The following RB1 variants were observed in gnomAD, a reference collection of about 807,000 sequenced individuals.
RB1 encodes RB transcriptional corepressor 1.
RB1 carries 18 observed loss-of-function variants against 135.4 expected under a neutral mutation model. The observed-to-expected ratio is 0.13, with a 90% CI of 0.09 to 0.20. RB1 has a LOEUF of 0.20. RB1 is among the 10% of genes least tolerant of loss of function. The probability of loss-of-function intolerance (pLI) is 1.00; values close to 1 mark genes in which losing one functional copy is unlikely to be tolerated. For synonymous variants in RB1, 365 were observed against 373.2 expected (o/e 0.98, Z 0.25); for missense variants, 868 against 1,110.0 (o/e 0.78, Z 3.10).
intron 2 of RB1, among the ~76,000 whole-genome samples, chr13:48,309,988 AATT>A (rs1187636227): frequency 6.6e-6 from 1 of 152,062 alleles, no homozygotes; most frequent in Non-Finnish European, 1.5e-5. Flanking sequence ...GGATGTGTGA[AATT>A]ATTTATGGCT....
chr13:48,465,554 C>T (rs528412825), intron 23 of RB1, among the ~76,000 whole-genome samples, 186 bp downstream of exon 23: 1 of 152,118 alleles, frequency 6.6e-6, no homozygotes, highest in East Asian at 1.9e-4. Flanking sequence ...ACTTAAGCAA[C>T]GCAAGATGGC....
At chr13:48,317,497 A>C (rs542458449) in intron 2 of RB1, 39 of 456,734 alleles carry the variant, frequency 8.5e-5, no homozygotes, top group African/African-American at 7.5e-4. Context: ...CCCGCAGCCC[A>C]TGTGAAAGCT....
chr13:48,385,130 C>T (rs1212806503), intron 17 of RB1, among the ~76,000 whole-genome samples: 1 of 152,028 alleles, frequency 6.6e-6, no homozygotes, highest in Non-Finnish European at 1.5e-5. Context: ...TGCTTTATTC[C>T]CTATATGATC....
chr13:48,397,937 G>A (rs1948661441), intron 17 of RB1, among the ~76,000 whole-genome samples: 1 of 152,148 alleles, frequency 6.6e-6, no homozygotes, highest in African/African-American at 2.4e-5. Context: ...CTTTGCAGAA[G>A]TATTTTAAGT....
intron 21 of RB1, among the ~76,000 whole-genome samples, chr13:48,464,697 C>CTCTCTTCCCAGTCTATATACTCT (rs1415400540): frequency 2.6e-5 from 4 of 152,138 alleles, no homozygotes; most frequent in Admixed American, 2.6e-4. Flanking sequence ...CTATCTACTC[C>CTCTCTTCCCAGTCTATATACTCT]TCTCTTCCCA....
chr13:48,455,970 T>C (rs963451724), intron 18 of RB1, among the ~76,000 whole-genome samples: 10 of 152,188 alleles, frequency 6.6e-5, no homozygotes, highest in Non-Finnish European at 1.2e-4. Context: ...TATAGCTATT[T>C]TTTTCTAATA....
At chr13:48,479,929 A>G (rs1949527524) in intron 26 of RB1, 69 bp from the exon 27 acceptor site, 3 of 1,225,024 alleles carry the variant, frequency 2.4e-6, no homozygotes, top group Middle Eastern at 3.7e-4. Context: ...AGCATAATAT[A>G]TATGGCAGCC....
intron 17 of RB1, among the ~76,000 whole-genome samples, chr13:48,416,756 G>A (rs1055748555): frequency 6.6e-6 from 1 of 152,178 alleles, no homozygotes; most frequent in African/African-American, 2.4e-5. Context: ...GGGAGGAGGG[G>A]CTTCTGCCAT....
At chr13:48,406,445 T>G (rs1301461390) in intron 17 of RB1, 2 of 152,184 alleles carry the variant, frequency 1.3e-5, no homozygotes, top group Non-Finnish European at 2.9e-5. Flanking sequence ...GAAGAGCCCT[T>G]TAAATTGTAT....
At chr13:48,403,803 A>G (rs1948714603) in intron 17 of RB1, among the ~76,000 whole-genome samples, 1 of 152,112 alleles carries the variant, frequency 6.6e-6, no homozygotes, top group Admixed American at 6.6e-5. Flanking sequence ...GCAACATTTT[A>G]AGAACATGAA....
At chr13:48,355,681 A>G (rs1011264640) in intron 6 of RB1, among the ~76,000 whole-genome samples, 7 of 152,144 alleles carry the variant, frequency 4.6e-5, no homozygotes, top group African/African-American at 1.7e-4. Flanking sequence ...GTGTCCATCA[A>G]CAGATGAATG....
intron 6 of RB1, among the ~76,000 whole-genome samples, chr13:48,358,688 C>T (rs1952613045): frequency 6.6e-6 from 1 of 152,092 alleles, no homozygotes; most frequent in Non-Finnish European, 1.5e-5. Flanking sequence ...TTTACTTCCT[C>T]CATTTTACTC....
chr13:48,443,515 AT>A (rs935590485), intron 17 of RB1, among the ~76,000 whole-genome samples: 12 of 152,222 alleles, frequency 7.9e-5, no homozygotes, highest in African/African-American at 2.9e-4. Context: ...ATAACACTTA[AT>A]TTTAAGACTT....
At chr13:48,335,938 A>C (rs1160150334) in intron 2 of RB1, among the ~76,000 whole-genome samples, 1 of 152,060 alleles carries the variant, frequency 6.6e-6, no homozygotes, top group Non-Finnish European at 1.5e-5. Context: ...AATGGTGGGA[A>C]AAAAGCCCAT....
chr13:48,361,085 TA>T (rs1284274393), intron 7 of RB1, among the ~76,000 whole-genome samples: 1 of 151,804 alleles, frequency 6.6e-6, no homozygotes, highest in African/African-American at 2.4e-5. Flanking sequence ...AAGAAAGAAA[TA>T]AAAAAAATTC....
At chr13:48,441,193 A>C (rs1039958052) in intron 17 of RB1, among the ~76,000 whole-genome samples, 1 of 152,222 alleles carries the variant, frequency 6.6e-6, no homozygotes, top group Non-Finnish European at 1.5e-5. Flanking sequence ...TTCCTGGTTC[A>C]TAGATGGCAC....
chr13:48,389,123 C>T (rs1396034086), intron 17 of RB1, among the ~76,000 whole-genome samples: 5 of 151,934 alleles, frequency 3.3e-5, no homozygotes, highest in African/African-American at 2.4e-5. Context: ...TGTGCCACTG[C>T]ACTCCAGCCT....
chr13:48,465,418 T>C (rs757112212), intron 23 of RB1, 50 bp downstream of exon 23: 82 of 1,488,096 alleles, frequency 5.5e-5, no homozygotes, highest in Middle Eastern at 1.7e-4. Flanking sequence ...GGGGGATTAT[T>C]TTGATCCAAG....
chr13:48,434,264 TAGTG>T (rs1399132092), intron 17 of RB1, among the ~76,000 whole-genome samples: 1 of 151,848 alleles, frequency 6.6e-6, no homozygotes, highest in Non-Finnish European at 1.5e-5. Flanking sequence ...CTGGACAACA[TAGTG>T]AGAATCTCTC....
Sources: allele counts gnomAD v4.1 joint callset (sites outside exome capture counted in the v4.1 genomes callset), GRCh38; gene constraint gnomAD v4.1.1; transcripts MANE v1.5; gene names NCBI Gene and HGNC (gene_info 2026-07-23, HGNC 2026-07-21).